The following CBFA2T2 variants were observed in gnomAD, a reference collection of about 807,000 sequenced individuals.
CBFA2T2 encodes protein CBFA2T2.
A neutral mutation model predicts 62.2 loss-of-function variants in CBFA2T2; 11 were observed. The observed-to-expected ratio is 0.18, with a 90% CI of 0.11 to 0.29. The LOEUF is 0.29. CBFA2T2 is among the 10% of genes least tolerant of loss of function. The pLI, the probability that CBFA2T2 is intolerant of heterozygous loss-of-function variation, is 1.00. For synonymous variants in CBFA2T2, 295 were observed against 287.5 expected (o/e 1.03, Z -0.27); for missense variants, 592 against 774.1 (o/e 0.76, Z 2.79).
At chr20:33,614,924 C>T (rs2015653501) in intron 3 of CBFA2T2, among the ~76,000 whole-genome samples, 1 of 152,218 alleles carries the variant, frequency 6.6e-6, no homozygotes, top group African/African-American at 2.4e-5. Context: ...ACAAGCAGGC[C>T]TTTCTAAGGC....
At chr20:33,524,991 C>T (rs1032414388) in intron 1 of CBFA2T2, among the ~76,000 whole-genome samples, 5 of 151,940 alleles carry the variant, frequency 3.3e-5, no homozygotes, top group Non-Finnish European at 5.9e-5. Flanking sequence ...TGTGGCACCA[C>T]GCCTGGCTAA....
At chr20:33,617,981 G>T (rs1319851683) in intron 3 of CBFA2T2, among the ~76,000 whole-genome samples, 1 of 152,140 alleles carries the variant, frequency 6.6e-6, no homozygotes, top group African/African-American at 2.4e-5. Context: ...TAATATGCAT[G>T]TGTGTTATTT....
At chr20:33,512,995 AC>A (rs768712921) in intron 1 of CBFA2T2, among the ~76,000 whole-genome samples, 5 of 151,728 alleles carry the variant, frequency 3.3e-5, no homozygotes, top group Non-Finnish European at 7.4e-5. Flanking sequence ...CTTGTGATCC[AC>A]CCACCTTGGC....
intron 1 of CBFA2T2, among the ~76,000 whole-genome samples, chr20:33,551,870 G>A (rs1375975804): frequency 6.6e-6 from 1 of 151,906 alleles, no homozygotes. Context: ...TCACTATTAA[G>A]TTTAATTCTT....
chr20:33,574,028 ATCTT>A, intron 1 of CBFA2T2: 1 of 1,209,186 alleles, frequency 8.3e-7, no homozygotes. Context: ...GGCTAAAGCG[ATCTT>A]CCCATGTTGG....
chr20:33,629,263 C>A (rs1393398533), intron 7 of CBFA2T2, among the ~76,000 whole-genome samples: 1 of 152,198 alleles, frequency 6.6e-6, no homozygotes, highest in Non-Finnish European at 1.5e-5. Context: ...TTCAACCCCC[C>A]AAAATTGTTT....
intron 1 of CBFA2T2, among the ~76,000 whole-genome samples, chr20:33,599,138 T>G (rs899628525): frequency 1.3e-5 from 2 of 152,190 alleles, no homozygotes; most frequent in African/African-American, 2.4e-5. Flanking sequence ...GGCATGTGCC[T>G]GTAGTCCCAG....
chr20:33,544,846 AT>A (rs2012494306), intron 1 of CBFA2T2, among the ~76,000 whole-genome samples: 1 of 152,040 alleles, frequency 6.6e-6, no homozygotes, highest in South Asian at 2.1e-4. Flanking sequence ...TGCCCGGCCT[AT>A]GTGGTTTATT....
chr20:33,542,662 C>G (rs952354441), intron 1 of CBFA2T2, among the ~76,000 whole-genome samples: 1 of 152,096 alleles, frequency 6.6e-6, no homozygotes, highest in Non-Finnish European at 1.5e-5. Flanking sequence ...AGAAGTCTTT[C>G]TTACTAAGTC....
intron 9 of CBFA2T2, among the ~76,000 whole-genome samples, chr20:33,637,505 G>T (rs1389141781): frequency 6.6e-6 from 1 of 152,132 alleles, no homozygotes; most frequent in Non-Finnish European, 1.5e-5. Flanking sequence ...TAGTAGTCAG[G>T]ATAATGTAAG....
At chr20:33,634,870 T>C (rs182298048) in intron 8 of CBFA2T2, among the ~76,000 whole-genome samples, 128 of 152,216 alleles carry the variant, frequency 8.4e-4, no homozygotes, top group Non-Finnish European at 1.6e-3. Context: ...AAGCCTCTAA[T>C]ATTGGAGACT....
At chr20:33,536,075 A>G (rs1423225940) in intron 1 of CBFA2T2, among the ~76,000 whole-genome samples, 1 of 152,200 alleles carries the variant, frequency 6.6e-6, no homozygotes, top group Non-Finnish European at 1.5e-5. Flanking sequence ...ACTTCTTTCT[A>G]CACAGACACG....
chr20:33,604,039 G>A (rs1036268557), intron 1 of CBFA2T2, among the ~76,000 whole-genome samples: 2 of 152,136 alleles, frequency 1.3e-5, no homozygotes, highest in African/African-American at 4.8e-5. Context: ...ATGCCACCCA[G>A]CTTCCATCAA....
chr20:33,566,398 G>A (rs1393154846), intron 1 of CBFA2T2, among the ~76,000 whole-genome samples: 1 of 152,106 alleles, frequency 6.6e-6, no homozygotes, highest in Non-Finnish European at 1.5e-5. Flanking sequence ...TTGAAGTCAG[G>A]AGTTCGAGAC....
chr20:33,533,907 G>T (rs1253103735), intron 1 of CBFA2T2, among the ~76,000 whole-genome samples: 1 of 152,072 alleles, frequency 6.6e-6, no homozygotes, highest in African/African-American at 2.4e-5. Context: ...CCCTGGAAGT[G>T]GAGGTTGCAT....
rs147471508 is a variant in CBFA2T2, at chr20:33,589,626, G to A, written c.35-17330G>A. On this transcript the variant is annotated intron_variant, in intron 1 of 10. Transcript: ENST00000342704. The stretch of plus-strand genomic sequence containing the variant: ...ATTGTAAACAGCAACTCTGGCAGCT[G>A]GGCAATATTGAATGATTGCTGTAAA... Among the ~76,000 whole-genome samples, 615 of 152,168 alleles carry A rather than the reference G, an allele frequency of 4.0e-3. 5 individuals carry two copies. Among genetic ancestry groups the A allele is most frequent in the African/African-American group, 0.014 (564 of 41,506 alleles).
chr20:33,505,428 T>G (rs2011385068), intron 1 of CBFA2T2, among the ~76,000 whole-genome samples: 1 of 152,216 alleles, frequency 6.6e-6, no homozygotes, highest in Non-Finnish European at 1.5e-5. Context: ...ACTCTCCATT[T>G]GTAGTGGTTT....
Position 33,571,361 on chromosome 20 carries a change from A to G in CBFA2T2, c.35-35595A>G, listed in dbSNP as rs184200329. On this transcript the variant is annotated intron_variant, in intron 1 of 10. Coordinates refer to ENST00000342704, the MANE Select transcript of CBFA2T2 (RefSeq NM_001032999.3). Reference sequence around the variant, plus strand: ...ATAGATACTCTTAATTGAATAAGTGAAAATAGTGGGTGAGTTTAAAGATAG... The same window carrying G: ...ATAGATACTCTTAATTGAATAAGTGGAAATAGTGGGTGAGTTTAAAGATAG... 2.4e-3 allele frequency among the ~76,000 whole-genome samples: 367 copies of G among 152,326 alleles called. 2 individuals carry two copies. Among genetic ancestry groups the G allele is most frequent in the Non-Finnish European group, 2.9e-3 (195 of 68,026 alleles).
intron 1 of CBFA2T2, among the ~76,000 whole-genome samples, chr20:33,494,274 T>TATATATATATATA (rs1267232226): frequency 1.1e-4 from 3 of 26,360 alleles, no homozygotes; most frequent in East Asian, 9.7e-4. Flanking sequence ...TATATATATA[T>TATATATATATATA]TTTTTTTTTT....
Sources: allele counts gnomAD v4.1 joint callset (sites outside exome capture counted in the v4.1 genomes callset), GRCh38; gene constraint gnomAD v4.1.1; transcripts MANE v1.5; gene names NCBI Gene and HGNC (gene_info 2026-07-23, HGNC 2026-07-21).